Variants in TSPAN9 observed in about 807,000 individuals in gnomAD.
The protein encoded by TSPAN9 is tetraspanin 9.
Under a neutral mutation model 31.0 loss-of-function variants are expected in TSPAN9, and 16 were observed. That is an observed-to-expected ratio of 0.52 (90% CI 0.35 to 0.78). The LOEUF (loss-of-function observed/expected upper bound fraction) is 0.78, where lower values mean the gene tolerates loss of function less well. TSPAN9 is among the 30% of genes least tolerant of loss of function. TSPAN9 has a pLI of 0.01. For synonymous variants in TSPAN9, 145 were observed against 121.6 expected (o/e 1.19, Z -1.27); for missense variants, 272 against 312.5 (o/e 0.87, Z 0.98).
chr12:3,157,703 T>A (rs1045819998), intron 2 of TSPAN9, among the ~76,000 whole-genome samples: 1 of 152,230 alleles, frequency 6.6e-6, no homozygotes, highest in Admixed American at 6.5e-5. Flanking sequence ...CAGCCAGGAC[T>A]GGAACCACGG....
intron 2 of TSPAN9, among the ~76,000 whole-genome samples, chr12:3,093,769 G>C (rs75307429): frequency 0.017 from 2,567 of 152,292 alleles, 77 homozygotes; most frequent in African/African-American, 0.056. Flanking sequence ...TGGCCAGCTG[G>C]TGGAACCCCT....
At chr12:3,130,841 A>G (rs930375276) in intron 2 of TSPAN9, among the ~76,000 whole-genome samples, 9 of 151,838 alleles carry the variant, frequency 5.9e-5, no homozygotes, top group East Asian at 5.8e-4. Context: ...TTCTTTGCAC[A>G]TTTTCTTTTT....
intron 1 of TSPAN9, among the ~76,000 whole-genome samples, chr12:3,078,948 TTTAA>T (rs1408321059): frequency 6.6e-6 from 1 of 151,726 alleles, no homozygotes; most frequent in African/African-American, 2.4e-5. Flanking sequence ...TATAATTTTA[TTTAA>T]TTCATACGTA....
chr12:3,095,768 T>C (rs1254878819), intron 2 of TSPAN9, among the ~76,000 whole-genome samples: 28 of 141,282 alleles, frequency 2.0e-4, no homozygotes, highest in South Asian at 4.7e-4. Flanking sequence ...CCTCACTTCC[T>C]AGATGTGATG....
chr12:3,205,420 T>C (rs1189843287), intron 3 of TSPAN9, among the ~76,000 whole-genome samples: 1 of 152,218 alleles, frequency 6.6e-6, no homozygotes, highest in Non-Finnish European at 1.5e-5. Flanking sequence ...TCGCAGACGC[T>C]GGCTGCCTTT....
intron 3 of TSPAN9, among the ~76,000 whole-genome samples, chr12:3,210,536 T>G (rs2098378098): frequency 6.6e-6 from 1 of 152,208 alleles, no homozygotes; most frequent in Non-Finnish European, 1.5e-5. Flanking sequence ...GGAGTTTTAT[T>G]TATGTTTTGA....
rs892666572 is a variant in TSPAN9, at chr12:3,192,188, A to T, written c.-17-8989A>T. 1.3e-5 allele frequency among the ~76,000 whole-genome samples: 2 copies of T among 152,212 alleles called. No individual in the cohort carries two copies. The highest frequency in any genetic ancestry group is 2.9e-5 in the Non-Finnish European group (2 of 68,034). Reference sequence around the variant, plus strand: ...GGGTTGCTCTAAGGATTTGGACTGTACTAGAAAAGTAGACTAGGAAACACA... The same window carrying T: ...GGGTTGCTCTAAGGATTTGGACTGTTCTAGAAAAGTAGACTAGGAAACACA... On this transcript the variant is annotated intron_variant, in intron 2 of 8. Coordinates refer to ENST00000011898, the MANE Select transcript of TSPAN9 (RefSeq NM_006675.5). This position sits in a 1 kb window ranked among gnomAD's most constrained non-coding sequence, Gnocchi z 4.6.
At chr12:3,144,241 C>T (rs989259410) in intron 2 of TSPAN9, among the ~76,000 whole-genome samples, 1 of 152,138 alleles carries the variant, frequency 6.6e-6, no homozygotes, top group Non-Finnish European at 1.5e-5. Context: ...GCTGGGATTA[C>T]AGGCACCTGC....
intron 2 of TSPAN9, among the ~76,000 whole-genome samples, chr12:3,197,212 CT>C (rs1178812555): frequency 1.3e-5 from 2 of 152,224 alleles, no homozygotes; most frequent in Non-Finnish European, 1.5e-5. Context: ...AAAAACAGGT[CT>C]CTTGACTCTT....
At chr12:3,268,858 C>T (rs1278053818) in intron 3 of TSPAN9, among the ~76,000 whole-genome samples, 1 of 120,230 alleles carries the variant, frequency 8.3e-6, no homozygotes, top group Non-Finnish European at 1.8e-5. Context: ...CCGTGCATTC[C>T]TGCAGCCTGC....
chr12:3,136,362 G>C (rs540662648), intron 2 of TSPAN9, among the ~76,000 whole-genome samples: 1 of 152,178 alleles, frequency 6.6e-6, no homozygotes. Context: ...AAGCCTTTGC[G>C]TGGGGCTCGA....
At chr12:3,202,816 G>T (rs1308021694) in intron 3 of TSPAN9, among the ~76,000 whole-genome samples, 1 of 152,170 alleles carries the variant, frequency 6.6e-6, no homozygotes, top group Non-Finnish European at 1.5e-5. Context: ...CCTGTCATGT[G>T]CCTAGAGTTT....
At chr12:3,163,684 G>A (rs149156817) in intron 2 of TSPAN9, among the ~76,000 whole-genome samples, 38 of 152,290 alleles carry the variant, frequency 2.5e-4, no homozygotes, top group African/African-American at 6.5e-4. Flanking sequence ...AGATGTCAGC[G>A]TGTGGTGTTC....
At chr12:3,183,521 A>T (rs2098359510) in intron 2 of TSPAN9, among the ~76,000 whole-genome samples, 1 of 152,194 alleles carries the variant, frequency 6.6e-6, no homozygotes, top group Admixed American at 6.5e-5. Context: ...CTGCTTGGTT[A>T]GTGAAAGGAT....
chr12:3,244,673 C>T (rs1311603360), intron 3 of TSPAN9, among the ~76,000 whole-genome samples: 1 of 152,232 alleles, frequency 6.6e-6, no homozygotes, highest in African/African-American at 2.4e-5. Flanking sequence ...CAGCCACCCC[C>T]CTAAAGGGGA....
intron 2 of TSPAN9, among the ~76,000 whole-genome samples, chr12:3,177,871 T>C (rs1377342883): frequency 6.6e-6 from 1 of 152,238 alleles, no homozygotes; most frequent in Admixed American, 6.5e-5. Flanking sequence ...GCCCTCTTAC[T>C]CAAGAAGGAC....
At chr12:3,078,746 G>C (rs6489429) in intron 1 of TSPAN9, among the ~76,000 whole-genome samples, 65,165 of 151,456 alleles carry the variant, frequency 0.43, 16,983 homozygotes, top group African/African-American at 0.74. Flanking sequence ...CACTGAAGAC[G>C]CCCTGTGTGC....
chr12:3,136,857 G>T (rs1013842975), intron 2 of TSPAN9, among the ~76,000 whole-genome samples: 1 of 152,192 alleles, frequency 6.6e-6, no homozygotes, highest in African/African-American at 2.4e-5. Flanking sequence ...GGGCACATTG[G>T]CTGGGGACCC....
At chr12:3,207,780 G>A (rs921988910) in intron 3 of TSPAN9, among the ~76,000 whole-genome samples, 6 of 149,108 alleles carry the variant, frequency 4.0e-5, no homozygotes, top group African/African-American at 1.2e-4. Flanking sequence ...AGTGGCTGGT[G>A]GGGGGTGGGT....
Sources: allele counts gnomAD v4.1 joint callset (sites outside exome capture counted in the v4.1 genomes callset), GRCh38; gene constraint gnomAD v4.1.1; non-coding constraint Gnocchi (gnomAD v3.1); transcripts MANE v1.5; gene names NCBI Gene and HGNC (gene_info 2026-07-23, HGNC 2026-07-21).